Variants in LOXHD1 observed in about 807,000 individuals in gnomAD.
The protein encoded by LOXHD1 is lipoxygenase homology PLAT domains 1.
In LOXHD1, 205 loss-of-function variants were observed where a neutral mutation model predicts 248.2. The ratio of observed to expected loss-of-function variants is 0.83; its 90% CI spans 0.74 to 0.93. The LOEUF (loss-of-function observed/expected upper bound fraction) is 0.93. Ranked by LOEUF, LOXHD1 falls within the 40% of genes least tolerant of loss-of-function variation. LOXHD1 has a pLI of 0.00. For missense variants in LOXHD1, 2,930 were observed against 2,971.6 expected, an observed-to-expected ratio of 0.99 and a Z score of 0.33; for synonymous variants, 1,113 against 1,162.8, an observed-to-expected ratio of 0.96 and a Z score of 0.87.
At chr18:46,534,548 C>A (rs1424543646) in intron 26 of LOXHD1, 97 bp from the exon 27 acceptor site, 2 of 884,584 alleles carry the variant, frequency 2.3e-6, no homozygotes, top group South Asian at 2.8e-5. Flanking sequence ...CACCCTGAGT[C>A]CCTTTGCATT....
chr18:46,579,755 C>T lies in LOXHD1; in HGVS notation c.1684G>A (p.Gly562Ser). Residue 562 changes from glycine to serine, a missense_variant, in exon 13 of 41, where the codon GGT becomes AGT. Gly to Ser is a moderately conservative substitution (Grantham distance 56, BLOSUM62 0). Transcript: ENST00000642948. ...MARYHVTVCT[G>S]ELEGAGTDAN... is the part of the protein sequence containing the mutation. ...TCGGTCCCAGCACCTTCAAGTTCAC[C>T]TGTGCACACAGTCACATGGTACCGG... is the stretch of plus-strand genomic sequence containing the variant. The T allele has an allele frequency of 1.3e-6, 2 of 1,551,846 alleles. No homozygotes were observed. The highest frequency in any genetic ancestry group is 2.4e-5 in the South Asian group (2 of 84,058).
At chr18:46,550,290 T>C (rs1416634726) in intron 21 of LOXHD1, among the ~76,000 whole-genome samples, 2 of 152,156 alleles carry the variant, frequency 1.3e-5, no homozygotes, top group African/African-American at 2.4e-5. Flanking sequence ...AGTCAGCGTG[T>C]GGGCCGGGCA....
intron 8 of LOXHD1, among the ~76,000 whole-genome samples, chr18:46,598,109 A>G (rs1336365817): frequency 2.6e-5 from 4 of 152,138 alleles, no homozygotes; most frequent in Admixed American, 2.6e-4. Context: ...AAAAACATGT[A>G]AAACAATCTA....
chr18:46,552,910 T>C (rs373302698), intron 21 of LOXHD1, among the ~76,000 whole-genome samples: 67 of 152,332 alleles, frequency 4.4e-4, no homozygotes, highest in African/African-American at 1.6e-3. Flanking sequence ...TGCCCAATTC[T>C]GTGCCACCTG....
chr18:46,520,188 G>A, intron 33 of LOXHD1: 5 of 462,318 alleles, frequency 1.1e-5, no homozygotes, highest in South Asian at 7.8e-5. Context: ...CGAGAGGCAG[G>A]AGAGTGGCAG....
At chr18:46,614,602 G>A (rs144101192) in intron 5 of LOXHD1, among the ~76,000 whole-genome samples, 1,770 of 152,184 alleles carry the variant, frequency 0.012, 28 homozygotes, top group African/African-American at 0.04. Flanking sequence ...ATAGCATTAG[G>A]AGATATACCT....
At chr18:46,642,489 C>T (rs1226811693) in intron 2 of LOXHD1, among the ~76,000 whole-genome samples, 3 of 152,220 alleles carry the variant, frequency 2.0e-5, no homozygotes, top group Admixed American at 1.3e-4. Flanking sequence ...GGAAAAGTTG[C>T]AATGGCAGCC....
chr18:46,653,299 G>A (rs1346637195), intron 1 of LOXHD1, among the ~76,000 whole-genome samples: 1 of 152,196 alleles, frequency 6.6e-6, no homozygotes, highest in African/African-American at 2.4e-5. Flanking sequence ...ACAGAATCGG[G>A]AGATTTGTCG....
chr18:46,534,201 T>A (rs1162620327), intron 27 of LOXHD1, 134 bp downstream of exon 27: 2 of 620,118 alleles, frequency 3.2e-6, no homozygotes, highest in African/African-American at 3.7e-5. Flanking sequence ...CTGAGTGAAC[T>A]GGGTGAATTT....
chr18:46,574,382 T>TAC (rs1470113953), intron 14 of LOXHD1, among the ~76,000 whole-genome samples: 2 of 58,560 alleles, frequency 3.4e-5, no homozygotes, highest in Middle Eastern at 7.8e-3. Context: ...TGTGTGTGTG[T>TAC]ACACATACAC....
At chr18:46,611,126 T>C (rs1274164445) in intron 5 of LOXHD1, among the ~76,000 whole-genome samples, 1 of 152,170 alleles carries the variant, frequency 6.6e-6, no homozygotes, top group Non-Finnish European at 1.5e-5. Flanking sequence ...CCAGGTCTTA[T>C]AACTGAGCTT....
intron 4 of LOXHD1, among the ~76,000 whole-genome samples, chr18:46,635,169 G>T (rs977640758): frequency 6.6e-6 from 1 of 152,030 alleles, no homozygotes; most frequent in Non-Finnish European, 1.5e-5. Context: ...CTGATGCCTA[G>T]ATAGACACTG....
intron 4 of LOXHD1, among the ~76,000 whole-genome samples, chr18:46,624,496 A>G (rs546287691): frequency 3.3e-5 from 5 of 152,290 alleles, no homozygotes; most frequent in African/African-American, 7.2e-5. Context: ...CCACCGACCA[A>G]TGGATTCCCT....
At chr18:46,625,891 T>G (rs1021235698) in intron 4 of LOXHD1, among the ~76,000 whole-genome samples, 1 of 152,172 alleles carries the variant, frequency 6.6e-6, no homozygotes, top group African/African-American at 2.4e-5. Flanking sequence ...TTCGATAACC[T>G]TGGCTCCATT....
At chr18:46,485,297 A>T (rs1400341303) in intron 38 of LOXHD1, 146 bp from the exon 39 acceptor site, 3 of 835,016 alleles carry the variant, frequency 3.6e-6, no homozygotes, top group Non-Finnish European at 3.6e-6. Context: ...AAGCACCACG[A>T]TTGAGGCGTT....
intron 4 of LOXHD1, among the ~76,000 whole-genome samples, chr18:46,629,371 T>G (rs2038788502): frequency 6.6e-6 from 1 of 152,266 alleles, no homozygotes; most frequent in South Asian, 2.1e-4. Flanking sequence ...AGTCAGTGCT[T>G]CTGGCTTCTT....
chr18:46,573,351 T>G (rs1408683289), intron 14 of LOXHD1, among the ~76,000 whole-genome samples: 1 of 152,190 alleles, frequency 6.6e-6, no homozygotes, highest in African/African-American at 2.4e-5. Context: ...AGACTCAGCC[T>G]GAGAAATCAA....
intron 31 of LOXHD1, among the ~76,000 whole-genome samples, chr18:46,524,012 T>A (rs2144157616): frequency 6.6e-6 from 1 of 152,346 alleles, no homozygotes; most frequent in Admixed American, 6.5e-5. Context: ...GCCAGGGAAC[T>A]CTGATATTGT....
chr18:46,630,482 C>T (rs1023549768), intron 4 of LOXHD1, among the ~76,000 whole-genome samples: 2 of 152,216 alleles, frequency 1.3e-5, no homozygotes, highest in Non-Finnish European at 2.9e-5. Flanking sequence ...TCATGCTTCC[C>T]TACCAGCCCA....
Sources: gnomAD v4.1 joint callset for allele counts (sites outside exome capture counted in the v4.1 genomes callset) on GRCh38, gnomAD v4.1.1 for gene constraint, MANE v1.5 for transcripts, NCBI Gene and HGNC (gene_info 2026-07-23, HGNC 2026-07-21) for gene names.